KLF15: variants seen among roughly 807,000 people sequenced by gnomAD.
KLF15 encodes KLF transcription factor 15, also known as Krueppel-like factor 15.
Under a neutral mutation model 24.6 loss-of-function variants are expected in KLF15, and 4 were observed. That is an observed-to-expected ratio of 0.16 (90% CI 0.08 to 0.37). The LOEUF is 0.37. Among genes scored for constraint, KLF15 ranks in the 10% least tolerant of loss-of-function variants. KLF15 has a pLI of 1.00. For missense variants in KLF15, 496 were observed against 560.6 expected, an observed-to-expected ratio of 0.88 and a Z score of 1.16; for synonymous variants, 246 against 236.3, an observed-to-expected ratio of 1.04 and a Z score of -0.37.
At chr3:126,350,228 T>G (rs922399306) in intron 2 of KLF15, among the ~76,000 whole-genome samples, 4 of 152,228 alleles carry the variant, frequency 2.6e-5, no homozygotes, top group Non-Finnish European at 5.9e-5. Flanking sequence ...TGCAGTGTAC[T>G]TGCTGCTGTG....
chr3:126,315,053 C>T, the KLF15 span, among the ~76,000 whole-genome samples: 1 of 152,102 alleles, frequency 6.6e-6, no homozygotes, highest in Non-Finnish European at 1.5e-5. Context: ...AAGTCCCCCT[C>T]CTGGCTCCTG....
chr3:126,347,121 A>G (rs2082540999), intron 2 of KLF15, among the ~76,000 whole-genome samples: 2 of 152,202 alleles, frequency 1.3e-5, no homozygotes, highest in African/African-American at 4.8e-5. Flanking sequence ...GGCAGAGGGT[A>G]CACAGGGGTC....
chr3:126,308,051 G>T, the KLF15 span, among the ~76,000 whole-genome samples: 1 of 152,214 alleles, frequency 6.6e-6, no homozygotes, highest in Non-Finnish European at 1.5e-5. Flanking sequence ...CTTACCATGT[G>T]GGGAGGAGCG....
chr3:126,316,703 G>A, the KLF15 span, among the ~76,000 whole-genome samples: 1 of 150,158 alleles, frequency 6.7e-6, no homozygotes, highest in East Asian at 2.0e-4. Flanking sequence ...AGGCCGGAGT[G>A]GGGAAGGGAA....
At chr3:126,351,476 T>C (rs1027750724) in intron 2 of KLF15, among the ~76,000 whole-genome samples, 2 of 152,220 alleles carry the variant, frequency 1.3e-5, no homozygotes, top group Non-Finnish European at 2.9e-5. Context: ...GTACTTACCC[T>C]GTGGGGCTGT....
the KLF15 span, among the ~76,000 whole-genome samples, chr3:126,330,644 T>C: frequency 6.6e-6 from 1 of 152,152 alleles, no homozygotes; most frequent in South Asian, 2.1e-4. Flanking sequence ...TATAAGTGTG[T>C]CCTATTCACC....
intron 2 of KLF15, among the ~76,000 whole-genome samples, chr3:126,348,464 G>A (rs1049785941): frequency 4.6e-5 from 7 of 152,130 alleles, no homozygotes; most frequent in African/African-American, 1.4e-4. Context: ...AGGACCACCA[G>A]GTGGCCAGAG....
chr3:126,315,948 G>A, the KLF15 span, among the ~76,000 whole-genome samples: 25 of 152,262 alleles, frequency 1.6e-4, no homozygotes, highest in African/African-American at 5.3e-4. Flanking sequence ...GGCTGATTCC[G>A]ACATAAGAGA....
chr3:126,313,969 A>G, the KLF15 span, among the ~76,000 whole-genome samples: 2 of 152,246 alleles, frequency 1.3e-5, no homozygotes, highest in South Asian at 4.1e-4. Context: ...AGCCAGGCTC[A>G]TACAGTTATG....
the KLF15 span, among the ~76,000 whole-genome samples, chr3:126,323,577 G>A: frequency 2.8e-5 from 4 of 143,266 alleles, no homozygotes; most frequent in Admixed American, 2.9e-4. Context: ...TGCAGAACGT[G>A]CAGGTTTGTT....
chr3:126,348,375 T>C (rs991548524), intron 2 of KLF15, among the ~76,000 whole-genome samples: 2 of 152,094 alleles, frequency 1.3e-5, no homozygotes, highest in Non-Finnish European at 2.9e-5. Flanking sequence ...TCTTTTCCCA[T>C]AGCCCAGAAG....
chr3:126,298,831 A>G, the KLF15 span, among the ~76,000 whole-genome samples: 1 of 152,106 alleles, frequency 6.6e-6, no homozygotes, highest in African/African-American at 2.4e-5. Flanking sequence ...CTATATGCCT[A>G]TTTTTATACC....
the KLF15 span, among the ~76,000 whole-genome samples, chr3:126,323,003 T>C: frequency 6.6e-6 from 1 of 150,986 alleles, no homozygotes; most frequent in African/African-American, 2.5e-5. Flanking sequence ...TATAATGATA[T>C]GTGTACAAGC....
At chr3:126,353,642 A>G (rs1397695985) in intron 1 of KLF15, among the ~76,000 whole-genome samples, 1 of 152,252 alleles carries the variant, frequency 6.6e-6, no homozygotes, top group African/African-American at 2.4e-5. Context: ...GCATGTAGGC[A>G]AAACAGTCAA....
chr3:126,294,874 C>T, the KLF15 span, among the ~76,000 whole-genome samples: 442 of 103,310 alleles, frequency 4.3e-3, 1 homozygote, highest in Non-Finnish European at 7.0e-3. Context: ...TACACACACA[C>T]ACACACACAC....
downstream of KLF15, among the ~76,000 whole-genome samples, chr3:126,342,051 A>ACC (rs2082483150): frequency 6.6e-6 from 1 of 152,132 alleles, no homozygotes; most frequent in Non-Finnish European, 1.5e-5. Context: ...CAACTGTGCA[A>ACC]CCACACAGCG....
At chr3:126,326,606 C>T in the KLF15 span, among the ~76,000 whole-genome samples, 1 of 152,192 alleles carries the variant, frequency 6.6e-6, no homozygotes, top group African/African-American at 2.4e-5. Flanking sequence ...CGTTGGAGTG[C>T]AGAAAGACAG....
At position 126,356,432 on chromosome 3, in the gene KLF15, G is replaced by C. The variant is rs2082632940; in HGVS notation, c.-26+805C>G. Among the ~76,000 whole-genome samples the C allele has an allele frequency of 6.6e-6, 1 of 152,206 alleles. No homozygotes were observed. The highest frequency in any genetic ancestry group is 6.5e-5 in the Admixed American group (1 of 15,286). On this transcript the variant is annotated intron_variant, in intron 1 of 2. Transcript: ENST00000296233. This position sits in a 1 kb window ranked among gnomAD's most constrained non-coding sequence, Gnocchi z 4.4. ...GTAACACCAAGGCGGGGAGGGAAGA[G>C]TGAACCGGACCACCATATGGGATGG... is the stretch of plus-strand genomic sequence containing the variant.
the KLF15 span, among the ~76,000 whole-genome samples, chr3:126,323,403 TTA>T: frequency 2.9e-3 from 146 of 50,812 alleles, 5 homozygotes; most frequent in East Asian, 0.018. Flanking sequence ...GCCCCAGTAG[TTA>T]TATATATATA....
Sources: gnomAD v4.1 joint callset for allele counts (sites outside exome capture counted in the v4.1 genomes callset) on GRCh38, gnomAD v4.1.1 for gene constraint, Gnocchi (gnomAD v3.1) non-coding constraint, MANE v1.5 for transcripts, NCBI Gene and HGNC (gene_info 2026-07-23, HGNC 2026-07-21) for gene names.